ZNF10: variants seen among roughly 807,000 people sequenced by gnomAD.
The protein encoded by ZNF10 is zinc finger protein 10 (KOX 1).
Under a neutral mutation model 12.2 loss-of-function variants are expected in ZNF10, and 8 were observed. The observed-to-expected ratio is 0.66, with a 90% confidence interval of 0.39 to 1.18. The LOEUF (loss-of-function observed/expected upper bound fraction) is 1.18, where lower values mean the gene tolerates loss of function less well. Ranked by LOEUF, ZNF10 falls within the 50% of genes most tolerant of loss-of-function variation. The pLI is 0.01. For missense variants in ZNF10, 603 were observed against 678.9 expected, an observed-to-expected ratio of 0.89 and a Z score of 1.24; for synonymous variants, 229 against 228.2, an observed-to-expected ratio of 1.00 and a Z score of -0.03.
Position 133,139,777 on chromosome 12 carries a change from T to C in ZNF10, c.-59-4657T>C, listed in dbSNP as rs867625473. On this transcript the variant is annotated intron_variant, in intron 1 of 4. Coordinates refer to ENST00000248211, the MANE Select transcript of ZNF10 (RefSeq NM_015394.5). ...ACACTTGCTGGTTGGGCGCAGTGGCTTACATCTGTCATTTGAGCACTTTGA... is the reference window on the plus strand; with the variant it reads ...ACACTTGCTGGTTGGGCGCAGTGGCCTACATCTGTCATTTGAGCACTTTGA... Among the ~76,000 whole-genome samples the C allele has an allele frequency of 9.2e-5, 14 of 152,220 alleles. 1 individual carries two copies. The Middle Eastern group carries it at 0.01, about 111-fold the overall frequency.
At position 133,157,122 on chromosome 12, in the gene ZNF10, A is replaced by G. The variant is rs929731996; in HGVS notation, c.*154A>G. 3.2e-6 allele frequency: 2 copies of G among 625,614 alleles called. No homozygotes were observed. The highest frequency in any genetic ancestry group is 1.9e-5 in the African/African-American group (1 of 52,720). 38.8% of individuals were successfully genotyped at this position (625,614 alleles called of 1,614,324 possible). A position where few individuals can be genotyped will look rare whatever the true frequency, so the allele number is the denominator to read the frequency against. ...AGAATTGGTCCTGGAAGGGAAAGAA[A>G]CCACAGATTTTATTTCAGTACACAA... On this transcript the variant is annotated 3_prime_UTR_variant, in exon 5 of 5. Transcript: ENST00000248211.
At chr12:133,142,046 A>G (rs1955947490) in intron 1 of ZNF10, among the ~76,000 whole-genome samples, 1 of 152,234 alleles carries the variant, frequency 6.6e-6, no homozygotes, top group South Asian at 2.1e-4. Context: ...ACTGAAAGAA[A>G]AAAATAACTG....
chr12:133,158,886 A>G lies in ZNF10; in HGVS notation c.*1918A>G, dbSNP rs1351626057. ...CCGGTCTCACATTTTCAGTGAAGTC[A>G]GACTCAGAACTAGGTCCTGGGTTTC... is the stretch of plus-strand genomic sequence containing the variant. On this transcript the variant is annotated 3_prime_UTR_variant, in exon 5 of 5. Transcript: ENST00000248211. The G allele has an allele frequency of 6.6e-6, 1 of 152,306 alleles. No individual in the cohort carries two copies. Among genetic ancestry groups the G allele is most frequent in the African/African-American group, 2.4e-5 (1 of 41,472 alleles). The allele number at this position is 152,306 out of a possible 1,614,324, so 9.4% of individuals were successfully genotyped here.
At chr12:133,151,970 A>G in intron 4 of ZNF10, 66 bp downstream of exon 4, 1 of 1,318,178 alleles carries the variant, frequency 7.6e-7, no homozygotes, top group Non-Finnish European at 1.1e-6. Context: ...CAGAACTTCT[A>G]GAGATAGTGG....
At chr12:133,144,205 G>A (rs1403296101) in intron 1 of ZNF10, 3 of 264,456 alleles carry the variant, frequency 1.1e-5, no homozygotes, top group Non-Finnish European at 2.1e-5. Context: ...TTCAAATGTG[G>A]TGTGGAACTC....
chr12:133,147,891 C>G (rs995199307), intron 2 of ZNF10, among the ~76,000 whole-genome samples: 1 of 151,598 alleles, frequency 6.6e-6, no homozygotes, highest in African/African-American at 2.4e-5. Flanking sequence ...CCGAGGCCTG[C>G]CTTGGCCTCC....
At chr12:133,144,735 A>G (rs1955965782) in intron 2 of ZNF10, among the ~76,000 whole-genome samples, 2 of 152,334 alleles carry the variant, frequency 1.3e-5, no homozygotes, top group South Asian at 4.1e-4. Context: ...AAATATATAC[A>G]AAATAAAAAT....
intron 2 of ZNF10, among the ~76,000 whole-genome samples, chr12:133,150,027 G>A (rs925630957): frequency 6.6e-6 from 1 of 152,118 alleles, no homozygotes; most frequent in South Asian, 2.1e-4. Context: ...TTTTGTTAAA[G>A]TTGTGTGTAC....
chr12:133,154,557 G>A (rs1956027737), intron 4 of ZNF10, among the ~76,000 whole-genome samples: 1 of 152,118 alleles, frequency 6.6e-6, no homozygotes, highest in Non-Finnish European at 1.5e-5. Context: ...TTACAGATAA[G>A]CAAAATGAAT....
chr12:133,145,152 A>G (rs1237585705), intron 2 of ZNF10, among the ~76,000 whole-genome samples: 27 of 152,218 alleles, frequency 1.8e-4, no homozygotes, highest in Admixed American at 1.8e-3. Flanking sequence ...GCACTGCATT[A>G]CAGGTGTGAG....
intron 4 of ZNF10, 105 bp from the exon 5 acceptor site, chr12:133,155,398 T>A: frequency 8.1e-7 from 1 of 1,234,964 alleles, no homozygotes; most frequent in Non-Finnish European, 1.1e-6. Flanking sequence ...AAAGCCATAT[T>A]TGAAAGCAAC....
intron 4 of ZNF10, among the ~76,000 whole-genome samples, chr12:133,152,645 A>T (rs998188197): frequency 3.2e-4 from 48 of 152,172 alleles, no homozygotes; most frequent in African/African-American, 1.2e-3. Flanking sequence ...CGAACTCCTG[A>T]CCTCAAGTGA....
chr12:133,152,480 T>C (rs1200986507), intron 4 of ZNF10, among the ~76,000 whole-genome samples: 3 of 152,194 alleles, frequency 2.0e-5, no homozygotes, highest in Non-Finnish European at 4.4e-5. Context: ...AGTGGCGCGA[T>C]CTAGGCTCAC....
chr12:133,143,589 G>A (rs1027713927), intron 1 of ZNF10: 24 of 152,300 alleles, frequency 1.6e-4, no homozygotes, highest in African/African-American at 4.8e-4. Context: ...CTACACAAAC[G>A]AGTAAACAGC....
At position 133,156,124 on chromosome 12, in the gene ZNF10, A is replaced by T; in HGVS notation, c.878A>T (p.Tyr293Phe). The change falls in exon 5 of 5, where the codon TAT (tyrosine) becomes TTT (phenylalanine). Residue 293 changes from tyrosine to phenylalanine, a missense_variant. Tyr to Phe is a conservative substitution (Grantham distance 22). Transcript: ENST00000248211. ...HQLIHTGEKP[Y>F]ECKECGKSFS... is the part of the protein sequence containing the mutation. ...CTTATTCATACTGGAGAAAAACCCT[A>T]TGAGTGTAAAGAATGTGGAAAGTCT... The T allele has an allele frequency of 6.2e-7, 1 of 1,613,538 alleles. No homozygotes were observed. The highest frequency in any genetic ancestry group is 2.2e-5 in the East Asian group (1 of 44,880).
intron 1 of ZNF10, among the ~76,000 whole-genome samples, chr12:133,136,162 TCATCAGAGATTTGACCCCATCCTTCC>T (rs1566343812): frequency 6.6e-6 from 1 of 152,162 alleles, no homozygotes; most frequent in Non-Finnish European, 1.5e-5. Context: ...CCTGATGCCT[TCATCAGAGATTTGACCCCATCCTTCC>T]CCCCTTCTCT....
At chr12:133,142,593 A>G (rs1955952360) in intron 1 of ZNF10, among the ~76,000 whole-genome samples, 1 of 152,206 alleles carries the variant, frequency 6.6e-6, no homozygotes, top group Admixed American at 6.5e-5. Flanking sequence ...AGCACATGAA[A>G]ATATGCTCAA....
At chr12:133,147,904 A>C (rs1342442971) in intron 2 of ZNF10, among the ~76,000 whole-genome samples, 2 of 151,514 alleles carry the variant, frequency 1.3e-5, no homozygotes, top group Non-Finnish European at 2.9e-5. Context: ...TGGCCTCCCA[A>C]AGTCTGGGAT....
rs753505190 is a variant in ZNF10, at chr12:133,156,479, A to C, written c.1233A>C (p.Gly411=). 6.2e-7 allele frequency: 1 copy of C among 1,613,914 alleles called. No homozygotes were observed. The highest frequency in any genetic ancestry group is 8.5e-7 in the Non-Finnish European group (1 of 1,179,898). The change falls in exon 5 of 5, where the codon GGA becomes GGC. Residue 411 remains glycine (G), a synonymous_variant. Coordinates refer to ENST00000248211, the MANE Select transcript of ZNF10 (RefSeq NM_015394.5). ...RVRPYECNEC[G]KSYSQRSHLV... is the part of the protein sequence containing the mutation. ...GGCCCTATGAATGCAATGAATGTGG[A>C]AAGTCTTACAGCCAGAGATCTCACC...
Sources: allele counts gnomAD v4.1 joint callset (sites outside exome capture counted in the v4.1 genomes callset), GRCh38; gene constraint gnomAD v4.1.1; transcripts MANE v1.5; gene names NCBI Gene and HGNC (gene_info 2026-07-23, HGNC 2026-07-21).